ACTR3B: variants seen among roughly 807,000 people sequenced by gnomAD.
ACTR3B encodes the protein actin related protein 3B.
ACTR3B carries 8 observed loss-of-function variants against 59.0 expected under a neutral mutation model. That is an observed-to-expected ratio of 0.14 (90% confidence interval 0.08 to 0.24). The LOEUF is 0.24. Among genes scored for constraint, ACTR3B ranks in the 10% least tolerant of loss-of-function variants. The probability of loss-of-function intolerance (pLI) is 1.00; values close to 1 mark genes in which losing one functional copy is unlikely to be tolerated. For synonymous variants in ACTR3B, 148 were observed against 197.9 expected (o/e 0.75, Z 2.12); for missense variants, 245 against 552.3 (o/e 0.44, Z 5.58).
chr7:152,834,465 T>A (rs1797283452), intron 9 of ACTR3B, among the ~76,000 whole-genome samples: 1 of 152,262 alleles, frequency 6.6e-6, no homozygotes, highest in Admixed American at 6.5e-5. Context: ...TCGCTGTTTA[T>A]GTTATTACTT....
intron 9 of ACTR3B, among the ~76,000 whole-genome samples, chr7:152,847,281 C>T (rs1039703670): frequency 6.6e-6 from 1 of 152,198 alleles, no homozygotes. Flanking sequence ...ATGTTTTCTT[C>T]GCGTCTGTAG....
intron 7 of ACTR3B, among the ~76,000 whole-genome samples, chr7:152,821,043 C>T (rs1348087342): frequency 2.0e-5 from 3 of 152,038 alleles, no homozygotes. Context: ...GTTTTTAGGT[C>T]AGGAGGCACT....
chr7:152,760,762 C>T (rs929275000), intron 1 of ACTR3B, among the ~76,000 whole-genome samples: 4 of 152,136 alleles, frequency 2.6e-5, no homozygotes, highest in African/African-American at 2.4e-5. Context: ...CCTGAAGTAT[C>T]GGTGACCCAA....
intron 4 of ACTR3B, among the ~76,000 whole-genome samples, chr7:152,803,772 A>G (rs1226273907): frequency 2.0e-5 from 3 of 152,246 alleles, no homozygotes; most frequent in Non-Finnish European, 4.4e-5. Context: ...GGCACCTGCA[A>G]TGAATGTTCA....
At chr7:152,853,345 G>A (rs936374060) in intron 10 of ACTR3B, 149 bp from the exon 11 acceptor site, 13 of 668,980 alleles carry the variant, frequency 1.9e-5, no homozygotes, top group Non-Finnish European at 2.7e-5. Flanking sequence ...CAGCAGGGGC[G>A]GAGAGTCACT....
intron 9 of ACTR3B, among the ~76,000 whole-genome samples, chr7:152,833,577 G>A (rs1230209075): frequency 6.6e-6 from 1 of 152,206 alleles, no homozygotes; most frequent in Admixed American, 6.5e-5. Context: ...GAGGATGGCT[G>A]ATAGGTGGCA....
At chr7:152,769,850 C>T (rs1217054932) in intron 1 of ACTR3B, among the ~76,000 whole-genome samples, 3 of 148,952 alleles carry the variant, frequency 2.0e-5, no homozygotes, top group Admixed American at 6.7e-5. Context: ...TCCCTTTCTC[C>T]GTTTCAGCAT....
intron 6 of ACTR3B, among the ~76,000 whole-genome samples, chr7:152,819,724 A>C: frequency 6.6e-6 from 1 of 152,050 alleles, no homozygotes; most frequent in Non-Finnish European, 1.5e-5. Context: ...CGACACACGC[A>C]GTTTCATCTG....
intron 9 of ACTR3B, among the ~76,000 whole-genome samples, chr7:152,847,982 C>T (rs975639413): frequency 6.6e-6 from 1 of 152,158 alleles, no homozygotes; most frequent in African/African-American, 2.4e-5. Context: ...TGAAGGAATG[C>T]TGAGCAGACA....
At chr7:152,760,114 C>T (rs1450751781) in intron 1 of ACTR3B, among the ~76,000 whole-genome samples, 188 bp downstream of exon 1, 1 of 152,192 alleles carries the variant, frequency 6.6e-6, no homozygotes, top group Admixed American at 6.5e-5. Context: ...CCCCCTCTTC[C>T]CTGCCGGGAA....
intron 2 of ACTR3B, among the ~76,000 whole-genome samples, chr7:152,798,761 T>C (rs200199494): frequency 6.6e-6 from 1 of 152,238 alleles, no homozygotes; most frequent in African/African-American, 2.4e-5. Context: ...ATCCAGTTTC[T>C]CCAGTAACAT....
intron 4 of ACTR3B, chr7:152,811,919 C>G (rs1303139136): frequency 7.3e-6 from 1 of 137,318 alleles, no homozygotes; most frequent in Non-Finnish European, 1.6e-5. Flanking sequence ...TCTTTACACT[C>G]TCTCCTTCTT....
chr7:152,819,254 T>C (rs928058004), intron 6 of ACTR3B, among the ~76,000 whole-genome samples: 2 of 152,224 alleles, frequency 1.3e-5, no homozygotes, highest in Non-Finnish European at 2.9e-5. Flanking sequence ...CAGTAAGTTG[T>C]TCTTGCAACT....
At chr7:152,850,183 C>CAGAT (rs1403710085) in intron 9 of ACTR3B, among the ~76,000 whole-genome samples, 1 of 149,040 alleles carries the variant, frequency 6.7e-6, no homozygotes, top group African/African-American at 2.5e-5. Flanking sequence ...GGTGGAAGAC[C>CAGAT]AGATCACTGG....
intron 9 of ACTR3B, among the ~76,000 whole-genome samples, chr7:152,845,362 A>T (rs1031241985): frequency 6.6e-6 from 1 of 152,154 alleles, no homozygotes; most frequent in African/African-American, 2.4e-5. Context: ...CCTTGATGGC[A>T]CAGGCCATCC....
chr7:152,804,209 A>C (rs1458152468), intron 4 of ACTR3B, among the ~76,000 whole-genome samples: 11 of 152,224 alleles, frequency 7.2e-5, no homozygotes, highest in African/African-American at 2.7e-4. Context: ...CCAATATTGC[A>C]TTGCCCAGAG....
intron 9 of ACTR3B, among the ~76,000 whole-genome samples, chr7:152,833,231 A>G (rs10227521): frequency 0.021 from 3,165 of 152,332 alleles, 101 homozygotes; most frequent in African/African-American, 0.071. Flanking sequence ...GAAATTTGCC[A>G]TTAATTGTTA....
At chr7:152,779,132 A>G (rs2098143815) in intron 1 of ACTR3B, among the ~76,000 whole-genome samples, 2 of 151,950 alleles carry the variant, frequency 1.3e-5, no homozygotes, top group South Asian at 4.1e-4. Flanking sequence ...GCTAAAGGTG[A>G]CTTCATGTGG....
intron 6 of ACTR3B, among the ~76,000 whole-genome samples, chr7:152,817,536 A>G (rs1427556164): frequency 2.0e-5 from 3 of 152,170 alleles, no homozygotes; most frequent in Admixed American, 6.5e-5. Context: ...GACTATTTAA[A>G]GGAATTATCT....
Sources: gnomAD v4.1 joint callset for allele counts (sites outside exome capture counted in the v4.1 genomes callset) on GRCh38, gnomAD v4.1.1 for gene constraint, MANE v1.5 for transcripts, NCBI Gene and HGNC (gene_info 2026-07-23, HGNC 2026-07-21) for gene names.